Variants in CACNA2D3 observed in about 807,000 individuals in gnomAD.
CACNA2D3 encodes voltage-dependent calcium channel subunit alpha-2/delta-3.
In CACNA2D3, 60 loss-of-function variants were observed where a neutral mutation model predicts 160.6. The ratio of observed to expected loss-of-function variants is 0.37; its 90% CI spans 0.30 to 0.46. CACNA2D3 has a LOEUF of 0.46. Among genes scored for constraint, CACNA2D3 ranks in the 20% least tolerant of loss-of-function variants. The probability of loss-of-function intolerance (pLI) is 1.00; values close to 1 mark genes in which losing one functional copy is unlikely to be tolerated. For missense variants in CACNA2D3, 1,205 were observed against 1,365.0 expected (o/e 0.88, Z 1.85); for synonymous variants, 558 against 492.9 (o/e 1.13, Z -1.75).
intron 11 of CACNA2D3, among the ~76,000 whole-genome samples, chr3:54,731,802 G>A (rs983463762): frequency 4.6e-5 from 7 of 152,018 alleles, no homozygotes; most frequent in African/African-American, 1.7e-4. Context: ...ACTGTTCAAA[G>A]GCAGGTAATG....
At chr3:54,440,938 C>A (rs1379841109) in intron 4 of CACNA2D3, among the ~76,000 whole-genome samples, 1 of 151,980 alleles carries the variant, frequency 6.6e-6, no homozygotes, top group Admixed American at 6.6e-5. Flanking sequence ...ATAGTGCCAC[C>A]GTAAACATAC....
At chr3:54,676,524 G>A (rs547123560) in intron 11 of CACNA2D3, among the ~76,000 whole-genome samples, 2 of 152,114 alleles carry the variant, frequency 1.3e-5, no homozygotes, top group African/African-American at 4.8e-5. Flanking sequence ...TACCTGTTGG[G>A]CTGTGTAGAG....
intron 9 of CACNA2D3, among the ~76,000 whole-genome samples, chr3:54,592,416 G>C (rs1440402544): frequency 6.6e-6 from 1 of 152,152 alleles, no homozygotes; most frequent in African/African-American, 2.4e-5. Flanking sequence ...TGTCTGGAGA[G>C]AGTTTTGCTT....
In CACNA2D3 at chr3:55,074,298, G is replaced by GAGAC. The variant is rs1704898725; in HGVS notation, c.*94_*97dup. The GAGAC allele has an allele frequency of 1.0e-6, 1 of 985,482 alleles. No homozygotes were observed. The highest frequency in any genetic ancestry group is 1.6e-6 in the Non-Finnish European group (1 of 611,452). The allele number at this position is 985,482 out of a possible 1,614,324, so 61.0% of individuals were successfully genotyped here. A position where few individuals can be genotyped will look rare whatever the true frequency, so the allele number is the denominator to read the frequency against. On this transcript the variant is annotated 3_prime_UTR_variant, in exon 38 of 38. Transcript: ENST00000474759. Reference sequence around the variant, plus strand: ...TGAACCAAAATATGGTGCAACATACGAGACATGAATATAGTCCAACCATCA... The same window carrying GAGAC: ...TGAACCAAAATATGGTGCAACATACGAGACAGACATGAATATAGTCCAACCATCA...
At position 54,641,280 on chromosome 3, in the gene CACNA2D3, A is replaced by G. The variant is rs116804325; in HGVS notation, c.1054-848A>G. On this transcript the variant is annotated intron_variant, in intron 10 of 37. Coordinates refer to ENST00000474759, the MANE Select transcript of CACNA2D3 (RefSeq NM_018398.3). ...GAAAGGCAAGACATTTCAAAGGGATAGGGGACACTTACAGGTCACAGGTGG... is the reference window on the plus strand; with the variant it reads ...GAAAGGCAAGACATTTCAAAGGGATGGGGGACACTTACAGGTCACAGGTGG... 5.5e-3 allele frequency among the ~76,000 whole-genome samples: 839 copies of G among 152,364 alleles called. 12 individuals are homozygous for G. Among genetic ancestry groups the G allele is most frequent in the African/African-American group, 0.019 (804 of 41,572 alleles).
chr3:54,544,290 A>G (rs1443821549), intron 5 of CACNA2D3, among the ~76,000 whole-genome samples: 2 of 152,048 alleles, frequency 1.3e-5, no homozygotes, highest in Admixed American at 1.3e-4. Flanking sequence ...TCTACCTTTT[A>G]ATGGTGGGTT....
chr3:54,942,120 T>A (rs1423011492), intron 27 of CACNA2D3, among the ~76,000 whole-genome samples: 2 of 152,260 alleles, frequency 1.3e-5, no homozygotes, highest in Non-Finnish European at 2.9e-5. Context: ...GGCAATCCTT[T>A]GTTACCTTAG....
intron 8 of CACNA2D3, among the ~76,000 whole-genome samples, chr3:54,576,956 G>A (rs59849754): frequency 0.029 from 4,421 of 152,172 alleles, 190 homozygotes; most frequent in African/African-American, 0.099. Flanking sequence ...AGGACTGCTT[G>A]ACCCTGGGAG....
At chr3:54,635,066 G>A (rs1421033460) in intron 10 of CACNA2D3, among the ~76,000 whole-genome samples, 5 of 151,892 alleles carry the variant, frequency 3.3e-5, no homozygotes, top group African/African-American at 7.3e-5. Flanking sequence ...GATTAGGGGC[G>A]GTGTGGGAAC....
intron 31 of CACNA2D3, among the ~76,000 whole-genome samples, chr3:54,999,063 T>G (rs1702922913): frequency 6.6e-6 from 1 of 152,176 alleles, no homozygotes; most frequent in African/African-American, 2.4e-5. Context: ...GTTGTTTAAC[T>G]AATTTCCAGT....
intron 13 of CACNA2D3, among the ~76,000 whole-genome samples, chr3:54,808,814 G>T (rs964293980): frequency 3.3e-5 from 5 of 152,124 alleles, no homozygotes; most frequent in African/African-American, 1.2e-4. Context: ...CAGTGGCTCA[G>T]TGAGAGGGGT....
intron 2 of CACNA2D3, among the ~76,000 whole-genome samples, chr3:54,149,733 A>G (rs1700103200): frequency 6.6e-6 from 1 of 151,976 alleles, no homozygotes; most frequent in Non-Finnish European, 1.5e-5. Context: ...CCCCAGTGTG[A>G]TGTGTTTTGG....
At chr3:54,533,626 C>T (rs975286778) in intron 5 of CACNA2D3, among the ~76,000 whole-genome samples, 1 of 152,112 alleles carries the variant, frequency 6.6e-6, no homozygotes, top group Admixed American at 6.5e-5. Context: ...TGAGCCACAG[C>T]ACCCAGCCAT....
At chr3:54,284,451 G>T (rs918554811) in intron 2 of CACNA2D3, among the ~76,000 whole-genome samples, 1 of 151,928 alleles carries the variant, frequency 6.6e-6, no homozygotes, top group Non-Finnish European at 1.5e-5. Context: ...AACATATAAT[G>T]TTAACTTTAG....
chr3:54,543,841 C>T (rs1265625996), intron 5 of CACNA2D3, among the ~76,000 whole-genome samples: 8 of 152,174 alleles, frequency 5.3e-5, no homozygotes, highest in Admixed American at 5.2e-4. Context: ...CCCCAAGATG[C>T]CTCTGTGCAT....
chr3:54,793,548 T>G (rs2106652920), intron 13 of CACNA2D3, among the ~76,000 whole-genome samples: 1 of 152,202 alleles, frequency 6.6e-6, no homozygotes, highest in Admixed American at 6.5e-5. Context: ...AGAGACAGAG[T>G]AACGGGGTCA....
chr3:54,487,391 T>G (rs1438741949), intron 4 of CACNA2D3, among the ~76,000 whole-genome samples: 1 of 152,094 alleles, frequency 6.6e-6, no homozygotes, highest in African/African-American at 2.4e-5. Flanking sequence ...AACCAGACAG[T>G]CCTTTGCAAA....
intron 3 of CACNA2D3, among the ~76,000 whole-genome samples, chr3:54,383,755 G>A (rs1209489593): frequency 6.6e-6 from 1 of 151,956 alleles, no homozygotes; most frequent in East Asian, 1.9e-4. Flanking sequence ...AAACTTGCTA[G>A]CAGGTCAAAT....
chr3:54,499,492 A>G (rs958436383), intron 4 of CACNA2D3, among the ~76,000 whole-genome samples: 2 of 152,134 alleles, frequency 1.3e-5, no homozygotes, highest in African/African-American at 4.8e-5. Context: ...TCTAAAGTAG[A>G]AGCTTAGATG....
Sources: gnomAD v4.1 joint callset for allele counts (sites outside exome capture counted in the v4.1 genomes callset) on GRCh38, gnomAD v4.1.1 for gene constraint, MANE v1.5 for transcripts, NCBI Gene and HGNC (gene_info 2026-07-23, HGNC 2026-07-21) for gene names.